The following CLPB variants were observed in gnomAD, a reference collection of about 807,000 sequenced individuals.
CLPB encodes ClpB family mitochondrial disaggregase, also known as mitochondrial disaggregase.
CLPB carries 40 observed loss-of-function variants against 78.4 expected under a neutral mutation model. That is an observed-to-expected ratio of 0.51 (90% CI 0.40 to 0.66). The LOEUF is 0.66. Ranked by LOEUF, CLPB falls within the 30% of genes least tolerant of loss-of-function variation. The pLI is 0.00. For synonymous variants in CLPB, 333 were observed against 348.0 expected, an observed-to-expected ratio of 0.96 and a Z score of 0.48; for missense variants, 780 against 886.9, an observed-to-expected ratio of 0.88 and a Z score of 1.53.
intron 5 of CLPB, among the ~76,000 whole-genome samples, chr11:72,331,551 A>G (rs1257257515): frequency 1.4e-5 from 2 of 138,288 alleles, no homozygotes; most frequent in Non-Finnish European, 1.5e-5. Flanking sequence ...ACAAGTCTCT[A>G]CTTCTTCTTT....
At chr11:72,368,774 T>A (rs1315888814) in intron 4 of CLPB, among the ~76,000 whole-genome samples, 1 of 152,172 alleles carries the variant, frequency 6.6e-6, no homozygotes, top group Non-Finnish European at 1.5e-5. Flanking sequence ...CATGTCTTTA[T>A]CCTTTATATA....
intron 3 of CLPB, among the ~76,000 whole-genome samples, chr11:72,384,272 G>A (rs2135686733): frequency 6.6e-6 from 1 of 152,198 alleles, no homozygotes. Flanking sequence ...TTAGTATTAA[G>A]GTCAAAATAC....
intron 5 of CLPB, among the ~76,000 whole-genome samples, chr11:72,353,960 G>A (rs957423747): frequency 6.6e-6 from 1 of 152,082 alleles, no homozygotes; most frequent in African/African-American, 2.4e-5. Flanking sequence ...AGCACTGAGT[G>A]TTTCTGAAGT....
chr11:72,345,342 G>A (rs1387795981), intron 5 of CLPB, among the ~76,000 whole-genome samples: 2 of 152,188 alleles, frequency 1.3e-5, no homozygotes, highest in African/African-American at 4.8e-5. Flanking sequence ...TATTAAAAAT[G>A]AGGAATATCT....
intron 2 of CLPB, among the ~76,000 whole-genome samples, chr11:72,406,302 T>C (rs189186023): frequency 1.4e-4 from 22 of 151,992 alleles, no homozygotes; most frequent in Admixed American, 1.1e-3. Context: ...ACCCTGAAAA[T>C]TGTGGAAGCA....
chr11:72,415,037 G>A (rs1565093054), intron 2 of CLPB, among the ~76,000 whole-genome samples: 1 of 152,082 alleles, frequency 6.6e-6, no homozygotes, highest in East Asian at 1.9e-4. Flanking sequence ...CCAACATGGT[G>A]AAACCCTATC....
chr11:72,422,530 C>CT (rs992795088), intron 2 of CLPB, among the ~76,000 whole-genome samples: 5 of 152,200 alleles, frequency 3.3e-5, no homozygotes, highest in African/African-American at 1.2e-4. Flanking sequence ...ATTCAAAAAA[C>CT]TGTGTGATGA....
chr11:72,348,452 T>C (rs1239525624), intron 5 of CLPB, among the ~76,000 whole-genome samples: 2 of 152,214 alleles, frequency 1.3e-5, no homozygotes, highest in Non-Finnish European at 2.9e-5. Flanking sequence ...CTCTAAATAA[T>C]ACACAGTATT....
chr11:72,333,349 T>C (rs557823951), intron 5 of CLPB, among the ~76,000 whole-genome samples: 2 of 152,340 alleles, frequency 1.3e-5, no homozygotes, highest in South Asian at 4.1e-4. Flanking sequence ...TTCCATTCTG[T>C]TGGCACTTAC....
At chr11:72,383,085 G>A (rs1279946470) in intron 3 of CLPB, among the ~76,000 whole-genome samples, 1 of 151,312 alleles carries the variant, frequency 6.6e-6, no homozygotes, top group African/African-American at 2.4e-5. Flanking sequence ...CTGCAACACA[G>A]AGCATCAACA....
At chr11:72,314,591 A>G (rs1027917946) in intron 7 of CLPB, among the ~76,000 whole-genome samples, 1 of 152,174 alleles carries the variant, frequency 6.6e-6, no homozygotes, top group Admixed American at 6.5e-5. Context: ...TGCACTAAGC[A>G]TCTACTTTGA....
intron 3 of CLPB, among the ~76,000 whole-genome samples, chr11:72,387,999 A>G (rs1250686509): frequency 2.0e-5 from 3 of 152,136 alleles, no homozygotes; most frequent in South Asian, 4.1e-4. Flanking sequence ...CTCCAGGTTC[A>G]TGAGTATTGA....
chr11:72,295,769 C>T, intron 11 of CLPB, 121 bp from the exon 12 acceptor site: 1 of 930,054 alleles, frequency 1.1e-6, no homozygotes, highest in South Asian at 1.7e-5. Context: ...CCTCCAGCCC[C>T]AGCAGCCAGC....
chr11:72,408,452 G>C (rs1034973561), intron 2 of CLPB, among the ~76,000 whole-genome samples: 1 of 152,070 alleles, frequency 6.6e-6, no homozygotes, highest in South Asian at 2.1e-4. Flanking sequence ...TGGATCATGA[G>C]GTCAGGAGAT....
At chr11:72,364,747 C>T (rs996339387) in intron 4 of CLPB, among the ~76,000 whole-genome samples, 10 of 152,116 alleles carry the variant, frequency 6.6e-5, no homozygotes, top group African/African-American at 2.4e-4. Flanking sequence ...CAGTATGACT[C>T]CTCAGCAGGC....
intron 2 of CLPB, among the ~76,000 whole-genome samples, chr11:72,410,529 C>G (rs1855845653): frequency 6.6e-6 from 1 of 152,214 alleles, no homozygotes; most frequent in African/African-American, 2.4e-5. Context: ...ATTCTTATCA[C>G]TTTCCAATTT....
intron 7 of CLPB, among the ~76,000 whole-genome samples, chr11:72,313,946 G>A (rs1274635583): frequency 1.3e-5 from 2 of 152,190 alleles, no homozygotes; most frequent in African/African-American, 4.8e-5. Flanking sequence ...AACATGATGT[G>A]GGGTGGAACT....
chr11:72,362,527 G>C (rs1228926591), intron 4 of CLPB, among the ~76,000 whole-genome samples: 1 of 152,210 alleles, frequency 6.6e-6, no homozygotes, highest in Non-Finnish European at 1.5e-5. Context: ...CCAGTCAACA[G>C]TATTTGGTGG....
chr11:72,322,701 G>A (rs1950065316), intron 6 of CLPB, among the ~76,000 whole-genome samples: 1 of 152,182 alleles, frequency 6.6e-6, no homozygotes. Context: ...CTCATAACTG[G>A]TAGTCTTAAC....
Sources: gnomAD v4.1 joint callset for allele counts (sites outside exome capture counted in the v4.1 genomes callset) on GRCh38, gnomAD v4.1.1 for gene constraint, MANE v1.5 for transcripts, NCBI Gene and HGNC (gene_info 2026-07-23, HGNC 2026-07-21) for gene names.